The following SPOCK3 variants were observed in gnomAD, a reference collection of about 807,000 sequenced individuals.
SPOCK3 encodes the protein SPARC (osteonectin), cwcv and kazal like domains proteoglycan 3, also known as testican-3.
A neutral mutation model predicts 56.6 loss-of-function variants in SPOCK3; 30 were observed. That is an observed-to-expected ratio of 0.53 (90% CI 0.40 to 0.72). The LOEUF (loss-of-function observed/expected upper bound fraction) is 0.72, where lower values mean the gene tolerates loss of function less well. Ranked by LOEUF, SPOCK3 falls within the 30% of genes least tolerant of loss-of-function variation. The pLI is 0.00. For synonymous variants in SPOCK3, 196 were observed against 183.3 expected (o/e 1.07, Z -0.56); for missense variants, 527 against 530.0 (o/e 0.99, Z 0.06).
At chr4:167,196,130 G>A (rs1004510177) in intron 2 of SPOCK3, among the ~76,000 whole-genome samples, 2 of 152,130 alleles carry the variant, frequency 1.3e-5, no homozygotes, top group African/African-American at 2.4e-5. Context: ...CTTGCAAAGA[G>A]TATATACTTT....
chr4:167,171,909 C>G (rs74744981), intron 2 of SPOCK3, among the ~76,000 whole-genome samples: 6,485 of 151,352 alleles, frequency 0.043, 182 homozygotes, highest in Non-Finnish European at 0.069. Context: ...TACCACCCCC[C>G]ACTCCCCCCA....
chr4:166,793,159 A>G (rs17052602), intron 6 of SPOCK3, among the ~76,000 whole-genome samples: 3,587 of 152,278 alleles, frequency 0.024, 72 homozygotes, highest in African/African-American at 0.04. Flanking sequence ...GTAAATGTGC[A>G]ATTTCCTCAA....
intron 7 of SPOCK3, among the ~76,000 whole-genome samples, chr4:166,780,802 A>G (rs1740077574): frequency 6.6e-6 from 1 of 152,164 alleles, no homozygotes; most frequent in South Asian, 2.1e-4. Context: ...CAGAGCAGCA[A>G]ATGTTGCTTA....
rs1737476003 is a variant in SPOCK3, at chr4:167,234,096, C to T, written c.78G>A (p.Val26=). The change falls in exon 2 of 11, where the codon GTG becomes GTA. Residue 26 remains valine (V), a synonymous_variant. Transcript: ENST00000357545. ...CSQSLAAAAA[V]AAAGGRSDGG... ...CGTCCGACCGCCCCCCGGCTGCAGC[C>T]ACCGCCGCGGCAGCTGCGAGAGACT... 1.2e-6 allele frequency: 2 copies of T among 1,613,902 alleles called. No individual in the cohort carries two copies. The highest frequency in any genetic ancestry group is 1.7e-6 in the Non-Finnish European group (2 of 1,179,966).
intron 4 of SPOCK3, among the ~76,000 whole-genome samples, chr4:166,915,567 T>G (rs999627492): frequency 2.6e-5 from 4 of 152,150 alleles, no homozygotes; most frequent in African/African-American, 9.7e-5. Context: ...TTTAATTCTA[T>G]TTTGAAGGCC....
chr4:166,978,809 T>C (rs538015602), intron 4 of SPOCK3, among the ~76,000 whole-genome samples: 25 of 152,164 alleles, frequency 1.6e-4, no homozygotes, highest in African/African-American at 6.0e-4. Flanking sequence ...GATAGAAAAT[T>C]AAGGGAAAAA....
At chr4:166,816,966 T>C (rs1041232047) in intron 6 of SPOCK3, among the ~76,000 whole-genome samples, 1 of 152,028 alleles carries the variant, frequency 6.6e-6, no homozygotes, top group African/African-American at 2.4e-5. Flanking sequence ...AGAAGAATAG[T>C]GTCAAGAACA....
chr4:166,847,461 G>A (rs1277117972), intron 6 of SPOCK3, among the ~76,000 whole-genome samples: 1 of 151,532 alleles, frequency 6.6e-6, no homozygotes, highest in Non-Finnish European at 1.5e-5. Flanking sequence ...GAGGGAAAAA[G>A]CATTGATGCT....
chr4:167,116,033 G>C (rs1188527437), intron 2 of SPOCK3, among the ~76,000 whole-genome samples: 1 of 151,898 alleles, frequency 6.6e-6, no homozygotes, highest in Non-Finnish European at 1.5e-5. Flanking sequence ...GCAATAAAGA[G>C]TAATGAAAAG....
intron 2 of SPOCK3, among the ~76,000 whole-genome samples, chr4:167,169,983 T>G (rs1293994733): frequency 2.0e-5 from 3 of 152,184 alleles, no homozygotes; most frequent in Admixed American, 1.3e-4. Context: ...CTGCCATGAT[T>G]GTGAGGCCTC....
chr4:166,743,312 A>C lies in SPOCK3; in HGVS notation c.932-1253T>G, dbSNP rs377366806. Among the ~76,000 whole-genome samples the C allele has an allele frequency of 2.6e-4, 39 of 152,292 alleles. No homozygotes were observed. The East Asian group carries it at 3.7e-3, about 14-fold the overall frequency. ...AAGTATATTAATTTAAATGTTTTTA[A>C]AATTTTATAATACATTGAATTCAAA... On this transcript the variant is annotated intron_variant, in intron 8 of 10. Coordinates refer to ENST00000357545, the MANE Select transcript of SPOCK3 (RefSeq NM_001040159.2).
At chr4:167,133,255 G>A (rs1349394179) in intron 2 of SPOCK3, among the ~76,000 whole-genome samples, 1 of 152,132 alleles carries the variant, frequency 6.6e-6, no homozygotes, top group African/African-American at 2.4e-5. Flanking sequence ...AAGATGTAAG[G>A]ATGGCAGCAG....
intron 4 of SPOCK3, among the ~76,000 whole-genome samples, chr4:166,924,003 G>C (rs1276437269): frequency 6.6e-6 from 1 of 152,124 alleles, no homozygotes; most frequent in African/African-American, 2.4e-5. Context: ...GTGGTCACTG[G>C]AGGAAAGCTG....
At position 166,893,783 on chromosome 4, in the gene SPOCK3, C is replaced by T. The variant is rs188096176; in HGVS notation, c.475-4539G>A. On this transcript the variant is annotated intron_variant, in intron 5 of 10. Transcript: ENST00000357545. The stretch of plus-strand genomic sequence containing the variant: ...ATTCCCCATTTTAATCTATCTTGGA[C>T]TGACTAATGTATTATATTTTTAATG... Among the ~76,000 whole-genome samples the T allele has an allele frequency of 2.5e-3, 388 of 152,200 alleles. 2 individuals are homozygous for T. Among genetic ancestry groups the T allele is most frequent in the Non-Finnish European group, 2.8e-3 (192 of 67,998 alleles).
rs567465571 is a variant in SPOCK3, at chr4:166,850,972, T to C, written c.589+38158A>G. On this transcript the variant is annotated intron_variant, in intron 6 of 10. Coordinates refer to ENST00000357545, the MANE Select transcript of SPOCK3 (RefSeq NM_001040159.2). ...GAACTGGGTGGAGCCCACAACAGCT[T>C]AAGGAGGCCTGCCTGCCTCTGTAGG... 4.0e-3 allele frequency among the ~76,000 whole-genome samples: 604 copies of C among 152,224 alleles called. 3 individuals are homozygous for C. The highest frequency in any genetic ancestry group is 0.012 in the African/African-American group (504 of 41,532).
At chr4:166,767,676 G>T (rs1354249988) in intron 7 of SPOCK3, among the ~76,000 whole-genome samples, 5 of 152,170 alleles carry the variant, frequency 3.3e-5, no homozygotes, top group Admixed American at 3.3e-4. Flanking sequence ...TTGATTTGGG[G>T]TGAAGAGTTC....
At chr4:167,100,218 T>C (rs1759515662) in intron 2 of SPOCK3, among the ~76,000 whole-genome samples, 1 of 152,154 alleles carries the variant, frequency 6.6e-6, no homozygotes, top group African/African-American at 2.4e-5. Flanking sequence ...TCAAATGCCA[T>C]GTAACATAGG....
chr4:166,777,345 G>A (rs1739666672), intron 7 of SPOCK3, among the ~76,000 whole-genome samples: 1 of 152,150 alleles, frequency 6.6e-6, no homozygotes, highest in Admixed American at 6.5e-5. Context: ...CATTCTTTGT[G>A]CGAGCATGTA....
At chr4:166,977,422 T>C (rs893675270) in intron 4 of SPOCK3, among the ~76,000 whole-genome samples, 2 of 88,752 alleles carry the variant, frequency 2.3e-5, no homozygotes, top group African/African-American at 5.8e-5. Flanking sequence ...TTATGATAAT[T>C]ATTAAGTAGG....
Sources: gnomAD v4.1 joint callset for allele counts (sites outside exome capture counted in the v4.1 genomes callset) on GRCh38, gnomAD v4.1.1 for gene constraint, MANE v1.5 for transcripts, NCBI Gene and HGNC (gene_info 2026-07-23, HGNC 2026-07-21) for gene names.